CFAP299: variants seen among roughly 807,000 people sequenced by gnomAD.
CFAP299 encodes the protein cilia and flagella associated protein 299.
CFAP299 carries 21 observed loss-of-function variants against 27.0 expected under a neutral mutation model. That is an observed-to-expected ratio of 0.78 (90% CI 0.55 to 1.12). The LOEUF is 1.12. CFAP299 is among the 50% of genes most tolerant of loss of function. The probability of loss-of-function intolerance (pLI) is 0.00; values close to 1 mark genes in which losing one functional copy is unlikely to be tolerated. For synonymous variants in CFAP299, 104 were observed against 98.1 expected, an observed-to-expected ratio of 1.06 and a Z score of -0.36; for missense variants, 310 against 276.6, an observed-to-expected ratio of 1.12 and a Z score of -0.86.
Position 80,623,231 on chromosome 4 carries a change from A to G in CFAP299, c.333+40048A>G, listed in dbSNP as rs1738696643. On this transcript the variant is annotated intron_variant, in intron 3 of 5. Coordinates refer to ENST00000358105, the MANE Select transcript of CFAP299 (RefSeq NM_152770.3). ...CACTCAAATGAGTTTGCAAATCAAG[A>G]TTCTAAAGTATGTAAGTAAACTAAT... Among the ~76,000 whole-genome samples the G allele has an allele frequency of 2.0e-5, 3 of 151,808 alleles. No individual in the cohort carries two copies. In the South Asian group the frequency reaches 6.2e-4, roughly 32 times the overall value.
intron 3 of CFAP299, among the ~76,000 whole-genome samples, chr4:80,638,635 C>G (rs2109956048): frequency 6.6e-6 from 1 of 152,246 alleles, no homozygotes; most frequent in South Asian, 2.1e-4. Flanking sequence ...TGGATTGTGT[C>G]CCTGACTAGA....
intron 4 of CFAP299, among the ~76,000 whole-genome samples, chr4:80,881,770 C>CTGTGAATTGCAAT (rs1733717398): frequency 6.6e-6 from 1 of 152,128 alleles, no homozygotes; most frequent in African/African-American, 2.4e-5. Flanking sequence ...AAATGGAGAT[C>CTGTGAATTGCAAT]TGTGAATTGC....
chr4:80,782,300 A>G (rs146694261), intron 3 of CFAP299, among the ~76,000 whole-genome samples: 210 of 151,972 alleles, frequency 1.4e-3, no homozygotes, highest in African/African-American at 4.8e-3. Context: ...AGCAAAGCCC[A>G]TGGATGGAAA....
Position 80,888,410 on chromosome 4 carries a change from G to T in CFAP299, c.476+18275G>T, listed in dbSNP as rs556987772. Among the ~76,000 whole-genome samples the T allele has an allele frequency of 5.9e-5, 9 of 152,042 alleles. No homozygotes were observed. The South Asian group carries it at 1.7e-3, about 28-fold the overall frequency. ...AGAAGATCATTATTTAATGATAAAG[G>T]GATCAATTTGGCAAGATAATTTAAT... On this transcript the variant is annotated intron_variant, in intron 4 of 5. Transcript: ENST00000358105.
intron 3 of CFAP299, among the ~76,000 whole-genome samples, chr4:80,695,278 T>A (rs1039789567): frequency 6.6e-6 from 1 of 152,222 alleles, no homozygotes; most frequent in Admixed American, 6.5e-5. Flanking sequence ...CATTATCATA[T>A]CTTCCAAGTA....
At chr4:80,451,749 TCCTTA>T (rs1728914613) in intron 2 of CFAP299, among the ~76,000 whole-genome samples, 2 of 152,216 alleles carry the variant, frequency 1.3e-5, no homozygotes, top group South Asian at 4.1e-4. Context: ...TTCAGTCTTC[TCCTTA>T]CCTTCACACA....
At chr4:80,798,896 G>T (rs1038238749) in intron 3 of CFAP299, among the ~76,000 whole-genome samples, 1 of 151,682 alleles carries the variant, frequency 6.6e-6, no homozygotes, top group South Asian at 2.1e-4. Flanking sequence ...TAACAGCAAG[G>T]ATTATCAGTG....
chr4:80,917,097 G>GA (rs1420852039), intron 4 of CFAP299, among the ~76,000 whole-genome samples: 2 of 152,140 alleles, frequency 1.3e-5, no homozygotes, highest in Non-Finnish European at 2.9e-5. Context: ...GTAGGAGTCA[G>GA]AGATTGCTCC....
intron 2 of CFAP299, among the ~76,000 whole-genome samples, chr4:80,577,397 ATTT>A (rs34922224): frequency 0.084 from 8,291 of 98,396 alleles, 107 homozygotes; most frequent in Middle Eastern, 0.26. Flanking sequence ...ATTAGAAAAC[ATTT>A]TTTTTTTTTT....
chr4:80,825,509 C>A (rs1729934155), intron 3 of CFAP299, among the ~76,000 whole-genome samples: 1 of 151,866 alleles, frequency 6.6e-6, no homozygotes. Flanking sequence ...AGAGAAGCAA[C>A]AATTCACATA....
chr4:80,853,219 C>T (rs761153765), intron 3 of CFAP299, among the ~76,000 whole-genome samples: 1 of 151,938 alleles, frequency 6.6e-6, no homozygotes, highest in South Asian at 2.1e-4. Flanking sequence ...TTAGTAGAGA[C>T]GGGGTTTTCT....
chr4:80,652,373 CAT>C (rs1178544760), intron 3 of CFAP299, among the ~76,000 whole-genome samples: 2 of 151,866 alleles, frequency 1.3e-5, no homozygotes, highest in Non-Finnish European at 2.9e-5. Flanking sequence ...AAATGAAAAA[CAT>C]AAATTTCAGA....
At chr4:80,527,449 T>C (rs918485058) in intron 2 of CFAP299, among the ~76,000 whole-genome samples, 2 of 152,110 alleles carry the variant, frequency 1.3e-5, no homozygotes, top group African/African-American at 4.8e-5. Context: ...GGGACCTTAT[T>C]AATCTTTCTA....
At chr4:80,680,176 C>T (rs1719748964) in intron 3 of CFAP299, among the ~76,000 whole-genome samples, 1 of 152,080 alleles carries the variant, frequency 6.6e-6, no homozygotes, top group South Asian at 2.1e-4. Flanking sequence ...ACTGTCTGTT[C>T]TCTTTCTATC....
At chr4:80,527,718 C>T (rs1261149116) in intron 2 of CFAP299, among the ~76,000 whole-genome samples, 2 of 152,064 alleles carry the variant, frequency 1.3e-5, no homozygotes, top group Non-Finnish European at 2.9e-5. Context: ...CTTTGCCTGG[C>T]CTGACCCCTC....
intron 1 of CFAP299, among the ~76,000 whole-genome samples, chr4:80,346,054 T>C (rs531711030): frequency 6.6e-6 from 1 of 152,378 alleles, no homozygotes; most frequent in Non-Finnish European, 1.5e-5. Flanking sequence ...ATGTGTCTGT[T>C]GGCTGCATAA....
chr4:80,850,234 G>A (rs1023189818), intron 3 of CFAP299, among the ~76,000 whole-genome samples: 3 of 151,822 alleles, frequency 2.0e-5, no homozygotes, highest in Non-Finnish European at 2.9e-5. Flanking sequence ...GCGGTGGGGG[G>A]GGTGATAAAA....
At chr4:80,420,305 C>A in intron 2 of CFAP299, 4 of 437,280 alleles carry the variant, frequency 9.1e-6, no homozygotes, top group South Asian at 6.5e-5. Context: ...TCTACAGATG[C>A]AAATCTCTCC....
At chr4:80,514,440 A>C (rs115138887) in intron 2 of CFAP299, among the ~76,000 whole-genome samples, 86 of 152,240 alleles carry the variant, frequency 5.6e-4, no homozygotes, top group African/African-American at 2.0e-3. Context: ...AAAAACGCGT[A>C]TATCTTAAAA....
Sources: allele counts gnomAD v4.1 joint callset (sites outside exome capture counted in the v4.1 genomes callset), GRCh38; gene constraint gnomAD v4.1.1; transcripts MANE v1.5; gene names NCBI Gene and HGNC (gene_info 2026-07-23, HGNC 2026-07-21).